The following TENM4 variants were observed in gnomAD, a reference collection of about 807,000 sequenced individuals.
TENM4 encodes the protein teneurin-4.
Under a neutral mutation model 243.3 loss-of-function variants are expected in TENM4, and 82 were observed. The ratio of observed to expected loss-of-function variants is 0.34; its 90% CI spans 0.28 to 0.40. The LOEUF is 0.40. Among genes scored for constraint, TENM4 ranks in the 10% least tolerant of loss-of-function variants. The probability of loss-of-function intolerance (pLI) is 1.00; values close to 1 mark genes in which losing one functional copy is unlikely to be tolerated. For synonymous variants in TENM4, 1,412 were observed against 1,456.3 expected, an observed-to-expected ratio of 0.97 and a Z score of 0.69; for missense variants, 3,138 against 3,673.3, an observed-to-expected ratio of 0.85 and a Z score of 3.77.
At chr11:78,847,039 C>A (rs1003373697) in intron 12 of TENM4, among the ~76,000 whole-genome samples, 1 of 152,164 alleles carries the variant, frequency 6.6e-6, no homozygotes, top group African/African-American at 2.4e-5. Flanking sequence ...ACTTCCTTAT[C>A]TTTTCTTATT....
chr11:79,194,408 G>A (rs1234944100), intron 3 of TENM4, among the ~76,000 whole-genome samples: 1 of 152,084 alleles, frequency 6.6e-6, no homozygotes, highest in Non-Finnish European at 1.5e-5. Context: ...AAGAAGATAG[G>A]AAAATGTGGG....
chr11:79,305,986 C>T (rs1856619902), intron 1 of TENM4, among the ~76,000 whole-genome samples: 1 of 152,218 alleles, frequency 6.6e-6, no homozygotes, highest in Admixed American at 6.5e-5. Context: ...CAAAACCATC[C>T]ACCCAAGCTG....
At chr11:78,868,529 C>T (rs550730107) in intron 9 of TENM4, among the ~76,000 whole-genome samples, 21 of 152,252 alleles carry the variant, frequency 1.4e-4, no homozygotes, top group African/African-American at 4.3e-4. Context: ...ACATTTTCCC[C>T]GTCGCCTTTT....
In TENM4 at chr11:78,669,659, C is replaced by T. The variant is rs1215685782; in HGVS notation, c.6686G>A (p.Gly2229Glu). The T allele has an allele frequency of 3.1e-6, 5 of 1,613,964 alleles. No homozygotes were observed. The highest frequency in any genetic ancestry group is 4.2e-6 in the Non-Finnish European group (5 of 1,179,886). ...TAGTGGTGTGAGCCGTGCACTGTTC[C>T]CAGGGCTCAGTAAGTGCAGGTTCCC... ...LNGNLHLLSP[G>E]NSARLTPLRY... Residue 2229 changes from glycine to glutamate, a missense_variant, in exon 32 of 34, where the codon GGG (glycine) becomes GAG (glutamate). Physicochemically the swap from Gly to Glu is moderately conservative, Grantham distance 98. This residue lies in a region of TENM4 where 2,467 missense variants were observed against 3,059.1 expected (regional missense o/e 0.81). Coordinates refer to ENST00000278550, the MANE Select transcript of TENM4 (RefSeq NM_001098816.3). The surrounding 1 kb of genome is among the most constrained non-coding windows in gnomAD (Gnocchi z 6.4).
At chr11:79,259,748 A>G (rs796222918) in intron 2 of TENM4, among the ~76,000 whole-genome samples, 2 of 152,314 alleles carry the variant, frequency 1.3e-5, no homozygotes, top group African/African-American at 4.8e-5. Context: ...CTCAATCACC[A>G]AGTATCCATT....
chr11:79,053,696 G>A (rs1345151286), intron 6 of TENM4, among the ~76,000 whole-genome samples: 1 of 152,176 alleles, frequency 6.6e-6, no homozygotes, highest in Non-Finnish European at 1.5e-5. Flanking sequence ...TTTGGGGAGA[G>A]TTTTGGGAAG....
intron 12 of TENM4, among the ~76,000 whole-genome samples, chr11:78,819,541 A>G (rs78490667): frequency 0.029 from 4,360 of 152,262 alleles, 190 homozygotes; most frequent in African/African-American, 0.099. Flanking sequence ...TCAGCTCACC[A>G]TGGCATGGGC....
At chr11:79,272,284 C>T (rs1368084394) in intron 2 of TENM4, among the ~76,000 whole-genome samples, 1 of 152,056 alleles carries the variant, frequency 6.6e-6, no homozygotes, top group Non-Finnish European at 1.5e-5. Flanking sequence ...TAACTGTTTT[C>T]AGAACAGTTC....
chr11:78,704,162 T>C (rs1859184930), intron 27 of TENM4, among the ~76,000 whole-genome samples: 1 of 67,496 alleles, frequency 1.5e-5, no homozygotes, highest in South Asian at 4.2e-4. Context: ...TGTGTGTCTA[T>C]ATATATATAT....
intron 6 of TENM4, among the ~76,000 whole-genome samples, chr11:78,953,937 T>C (rs1299928489): frequency 6.6e-6 from 1 of 152,212 alleles, no homozygotes; most frequent in Admixed American, 6.5e-5. Context: ...CTCCACAACC[T>C]ATTTTTCCCT....
At chr11:78,966,893 C>T (rs747186792) in intron 6 of TENM4, among the ~76,000 whole-genome samples, 1 of 152,092 alleles carries the variant, frequency 6.6e-6, no homozygotes, top group African/African-American at 2.4e-5. Context: ...CTCTCTTTTG[C>T]CAAGTTTGCA....
intron 21 of TENM4, among the ~76,000 whole-genome samples, chr11:78,731,295 G>T (rs560695816): frequency 6.6e-6 from 1 of 152,334 alleles, no homozygotes; most frequent in African/African-American, 2.4e-5. Context: ...CCTGGTAGTT[G>T]AGACAGGAGA....
chr11:78,932,794 G>A (rs539248846), intron 6 of TENM4, among the ~76,000 whole-genome samples: 1 of 152,182 alleles, frequency 6.6e-6, no homozygotes, highest in East Asian at 1.9e-4. Context: ...CAGATCCCTC[G>A]CATGCGCAGT....
chr11:78,749,622 C>G (rs1856135131), intron 19 of TENM4, among the ~76,000 whole-genome samples: 1 of 152,142 alleles, frequency 6.6e-6, no homozygotes, highest in African/African-American at 2.4e-5. Flanking sequence ...GCTTTAGGTT[C>G]ACAGTGGGCT....
In TENM4 at chr11:78,805,277, T is replaced by TGGCCC; in HGVS notation, c.2179+14_2179+15insGGGCC. Reference sequence around the variant, plus strand: ...CCCCTCCCTCTACCCATGCTTCTTCTCCCCCTGCATTTACCGATAGAACAG... The same window carrying TGGCCC: ...CCCCTCCCTCTACCCATGCTTCTTCTGGCCCCCCCCTGCATTTACCGATAGAACAG... On this transcript the variant is annotated intron_variant, in intron 15 of 33. Transcript: ENST00000278550. 1.4e-6 allele frequency: 2 copies of TGGCCC among 1,402,542 alleles called. No individual in the cohort carries two copies. Among genetic ancestry groups the TGGCCC allele is most frequent in the Non-Finnish European group, 1.9e-6 (2 of 1,033,108 alleles). 86.9% of individuals were successfully genotyped at this position (1,402,542 alleles called of 1,614,324 possible).
intron 25 of TENM4, 142 bp from the exon 26 acceptor site, chr11:78,712,856 C>T (rs988760379): frequency 4.6e-5 from 36 of 791,148 alleles, no homozygotes; most frequent in Non-Finnish European, 6.9e-5. Flanking sequence ...GGTGATGGTT[C>T]CCCAATTTTT....
intron 7 of TENM4, among the ~76,000 whole-genome samples, chr11:78,895,122 T>A (rs1229621722): frequency 6.6e-6 from 1 of 151,014 alleles, no homozygotes; most frequent in Non-Finnish European, 1.5e-5. Flanking sequence ...GGCAGGTGGA[T>A]CATGAGGTCA....
chr11:79,022,254 A>G (rs1433421583), intron 6 of TENM4, among the ~76,000 whole-genome samples: 1 of 152,198 alleles, frequency 6.6e-6, no homozygotes, highest in Non-Finnish European at 1.5e-5. Flanking sequence ...ACCATTTTGC[A>G]GATGATGAAA....
At chr11:79,123,690 C>T (rs1861797813) in intron 4 of TENM4, among the ~76,000 whole-genome samples, 2 of 151,536 alleles carry the variant, frequency 1.3e-5, no homozygotes, top group South Asian at 4.2e-4. Context: ...GCAATGCACA[C>T]AAAATGTCCC....
Sources: gnomAD v4.1 joint callset for allele counts (sites outside exome capture counted in the v4.1 genomes callset) on GRCh38, gnomAD v4.1.1 for gene constraint, gnomAD v4.1.1 regional missense constraint, Gnocchi (gnomAD v3.1) non-coding constraint, MANE v1.5 for transcripts, NCBI Gene and HGNC (gene_info 2026-07-23, HGNC 2026-07-21) for gene names.